NBPF20: variants seen among roughly 807,000 people sequenced by gnomAD.
The protein encoded by NBPF20 is NBPF member 20.
Under a neutral mutation model 68.1 loss-of-function variants are expected in NBPF20, and 90 were observed. The observed-to-expected ratio is 1.32, with a 90% confidence interval of 1.11 to 1.58. The LOEUF is 1.58. Among genes scored for constraint, NBPF20 ranks in the 40% most tolerant of loss-of-function variants. NBPF20 has a pLI of 0.00. For synonymous variants in NBPF20, 290 were observed against 228.1 expected (o/e 1.27, Z -2.45); for missense variants, 816 against 601.2 (o/e 1.36, Z -3.74).
rs1472666276 is a variant in NBPF20 at position 145,399,991 on chromosome 1, C to T, written c.775+395G>A. 9.9e-5 allele frequency among the ~76,000 whole-genome samples: 15 copies of T among 152,168 alleles called. No homozygotes were observed. In the East Asian group the frequency reaches 1.5e-3, roughly 16 times the overall value. On this transcript the variant is annotated intron_variant, in intron 6 of 137. Transcript: ENST00000369373. ...AGATGAAAGCTGAGAGCAGTGAAGC[C>T]GGGGGAACAATATTTCCAAATACAA...
chr1:145,292,183 C>A (rs1289873980), intron 137 of NBPF20, among the ~76,000 whole-genome samples, 198 bp downstream of exon 142: 2 of 149,844 alleles, frequency 1.3e-5, no homozygotes, highest in Non-Finnish European at 2.9e-5. Context: ...TATGGTCAAC[C>A]TATGGCACGT....
Position 145,311,864 on chromosome 1 carries a change from T to G in NBPF20, c.13660+344A>C, listed in dbSNP as rs1228589327. On this transcript the variant is annotated intron_variant, in intron 112 of 137. Transcript: ENST00000369373. ...CAGATTGTTCACGGTAGCGAGGATT[T>G]TAGATGCTGAAATTAGAGTGAAGGA... is the stretch of plus-strand genomic sequence containing the variant. Among the ~76,000 whole-genome samples the G allele has an allele frequency of 2.7e-5, 3 of 111,968 alleles. No homozygotes were observed. The East Asian group carries it at 6.8e-4, about 25-fold the overall frequency. The allele number at this position is 111,968 out of a possible 152,430, so 73.5% of individuals were successfully genotyped here. A position where few individuals can be genotyped will look rare whatever the true frequency, so the allele number is the denominator to read the frequency against.
chr1:145,421,077 T>A, the NBPF20 span, among the ~76,000 whole-genome samples: 2 of 143,022 alleles, frequency 1.4e-5, no homozygotes, highest in Non-Finnish European at 3.0e-5. Flanking sequence ...TAGTGAGCTA[T>A]GATGGCACCA....
chr1:145,372,503 G>C lies in NBPF20; in HGVS notation c.4369+9C>G. 1.9e-6 allele frequency: 1 copy of C among 529,800 alleles called. No homozygotes were observed. The highest frequency in any genetic ancestry group is 3.2e-6 in the Non-Finnish European group (1 of 317,030). 32.8% of individuals were successfully genotyped at this position (529,800 alleles called of 1,614,324 possible). ...TGGAGGCTTATCACCTTCACAGTAAGATACTCACTGTCCACGTCAAGAGCC... is the reference window on the plus strand; with the variant it reads ...TGGAGGCTTATCACCTTCACAGTAACATACTCACTGTCCACGTCAAGAGCC... On this transcript the variant is annotated intron_variant, in intron 36 of 137. Transcript: ENST00000369373.
chr1:145,409,738 G>A (rs1662933403), upstream of NBPF20, among the ~76,000 whole-genome samples: 1 of 151,726 alleles, frequency 6.6e-6, no homozygotes, highest in Non-Finnish European at 1.5e-5. Context: ...AGGTTCCAGA[G>A]GAAGGTCTTC....
At chr1:145,404,221 T>A (rs1662659724) in intron 2 of NBPF20, among the ~76,000 whole-genome samples, 1 of 144,308 alleles carries the variant, frequency 6.9e-6, no homozygotes, top group African/African-American at 2.6e-5. Context: ...CTCACCAAGC[T>A]ACTCTCTGCT....
At chr1:145,342,915 GA>G (rs1661633667) in intron 73 of NBPF20, among the ~76,000 whole-genome samples, 1 of 29,160 alleles carries the variant, frequency 3.4e-5, no homozygotes, top group African/African-American at 2.1e-4. Flanking sequence ...CAGGGATCAT[GA>G]AAAGACTGTG....
intron 129 of NBPF20, among the ~76,000 whole-genome samples, chr1:145,298,393 G>C (rs1558964522): frequency 7.0e-6 from 1 of 143,758 alleles, no homozygotes; most frequent in African/African-American, 2.9e-5. Context: ...CACACAGAGA[G>C]AGAGAACGAG....
At chr1:145,421,200 G>A in the NBPF20 span, among the ~76,000 whole-genome samples, 5 of 152,092 alleles carry the variant, frequency 3.3e-5, no homozygotes, top group East Asian at 5.8e-4. Flanking sequence ...ACAAGAATTC[G>A]ATTCTTTCTG....
chr1:145,405,051 C>G (rs782282546), intron 2 of NBPF20, 47 bp downstream of exon 7: 11 of 1,612,174 alleles, frequency 6.8e-6, no homozygotes, highest in Non-Finnish European at 8.5e-6. Flanking sequence ...TCTCAGAAGA[C>G]AGGACATCAT....
the NBPF20 span, among the ~76,000 whole-genome samples, chr1:145,416,138 A>G: frequency 6.6e-6 from 1 of 151,730 alleles, no homozygotes; most frequent in Admixed American, 6.6e-5. Flanking sequence ...TCTCCAAAAA[A>G]AAAAAGATAA....
At chr1:145,292,465 T>C (rs782524930) in exon 137 of NBPF20, 9 of 713,412 alleles carry the variant, frequency 1.3e-5, no homozygotes, top group South Asian at 2.9e-5. Context: ...CCTTCTTTTC[T>C]TCCCCTTCCC....
upstream of NBPF20, among the ~76,000 whole-genome samples, chr1:145,410,145 A>T (rs1171425633): frequency 6.6e-6 from 1 of 151,992 alleles, no homozygotes; most frequent in African/African-American, 2.4e-5. Context: ...TCCTACAAGT[A>T]TAAGACTTCC....
Position 145,394,977 on chromosome 1 carries a change from C to G in NBPF20, c.991+1G>C. On this transcript the variant is annotated splice_donor_variant, in intron 8 of 137. Coordinates refer to ENST00000369373, the Ensembl canonical transcript of NBPF20. LOFTEE classifies it high-confidence loss of function. ...TATCACCTTCACAGTGTAGTACTCA[C>G]TGCCTATGTCAACAGCCATGCAGAC... 6.2e-7 allele frequency: 1 copy of G among 1,612,000 alleles called. No individual in the cohort carries two copies.
At chr1:145,409,862 T>A, upstream of NBPF20, among the ~76,000 whole-genome samples, 1 of 151,564 alleles carries the variant, frequency 6.6e-6, no homozygotes, top group Non-Finnish European at 1.5e-5. Context: ...AACTTTCCAA[T>A]TTTGAGTTGG....
At chr1:145,403,228 G>A (rs1662610434) in exon 3 of NBPF20, 2 of 1,612,490 alleles carry the variant, frequency 1.2e-6, no homozygotes, top group Non-Finnish European at 1.7e-6. Context: ...GAGCTCCTCA[G>A]CTTGCTTGAG....
At chr1:145,399,776 C>CA (rs1176062364) in intron 6 of NBPF20, among the ~76,000 whole-genome samples, 17,484 of 51,616 alleles carry the variant, frequency 0.34, 3,247 homozygotes, top group Middle Eastern at 0.49. Flanking sequence ...GACTCCATCA[C>CA]AAAAAAAAAA....
chr1:145,400,411 C>T lies in NBPF20; in HGVS notation c.750G>A (p.Glu250=), dbSNP rs521292. The stretch of plus-strand genomic sequence containing the variant: ...TACCTGGAATAATGTGTACAGCATC[C>T]TCCCATTCAACATGAGAGGATGAGC... The change falls in exon 6 of 138, where the codon GAG becomes GAA. Residue 250 remains glutamate, a synonymous_variant. Transcript: ENST00000369373. 5.6e-6 allele frequency: 9 copies of T among 1,612,838 alleles called. No individual in the cohort carries two copies. The African/African-American group carries it at 8.0e-5, about 14-fold the overall frequency.
At position 145,292,369 on chromosome 1, in the gene NBPF20, G is replaced by A. The variant is rs782269453; in HGVS notation, c.16697+12C>T. The A allele has an allele frequency of 1.5e-5, 10 of 671,264 alleles. No individual in the cohort carries two copies. Among genetic ancestry groups the A allele is most frequent in the Non-Finnish European group, 2.4e-5 (9 of 380,154 alleles). The allele number at this position is 671,264 out of a possible 1,614,324, so 41.6% of individuals were successfully genotyped here. A position where few individuals can be genotyped will look rare whatever the true frequency, so the allele number is the denominator to read the frequency against. Reference sequence around the variant, plus strand: ...AACACAGAATTAAGCATCCACAATTGCTGAAAGTCACCTGGGGCATGGTGG... The same window carrying A: ...AACACAGAATTAAGCATCCACAATTACTGAAAGTCACCTGGGGCATGGTGG... On this transcript the variant is annotated intron_variant, in intron 137 of 137. Coordinates refer to ENST00000369373, the Ensembl canonical transcript of NBPF20.
Sources: gnomAD v4.1 joint callset for allele counts (sites outside exome capture counted in the v4.1 genomes callset) on GRCh38, gnomAD v4.1.1 for gene constraint, MANE v1.5 for transcripts, NCBI Gene and HGNC (gene_info 2026-07-23, HGNC 2026-07-21) for gene names.